The following LMF1 variants were observed in gnomAD, a reference collection of about 807,000 sequenced individuals.
LMF1 encodes the protein lipase maturation factor 1.
A neutral mutation model predicts 60.6 loss-of-function variants in LMF1; 68 were observed. The ratio of observed to expected loss-of-function variants is 1.12; its 90% CI spans 0.92 to 1.37. The LOEUF is 1.37. LMF1 is among the 40% of genes most tolerant of loss of function. The pLI is 0.00. For missense variants in LMF1, 948 were observed against 767.2 expected (o/e 1.24, Z -2.78); for synonymous variants, 418 against 324.7 (o/e 1.29, Z -3.09).
upstream of LMF1, chr16:971,118 C>A (rs1389164798): frequency 5.8e-6 from 5 of 860,548 alleles, no homozygotes; most frequent in Admixed American, 8.6e-5. Context: ...CGCTCACAGT[C>A]CCGGAGGCAC....
chr16:871,477 C>T, intron 6 of LMF1, 136 bp from the exon 7 acceptor site: 2 of 887,200 alleles, frequency 2.3e-6, no homozygotes, highest in Non-Finnish European at 1.7e-6. Context: ...TCGGGCCCAG[C>T]ATCACAACTG....
At chr16:964,868 G>A (rs1003027599) in intron 1 of LMF1, among the ~76,000 whole-genome samples, 5 of 152,264 alleles carry the variant, frequency 3.3e-5, no homozygotes, top group Admixed American at 6.5e-5. Context: ...CCACCTCGCC[G>A]AAGCAGCTGC....
At position 947,742 on chromosome 16, in the gene LMF1, CG is replaced by C. The variant is rs1245388527; in HGVS notation, c.503+6614del. 5.5e-5 allele frequency: 20 copies of C among 364,760 alleles called. No homozygotes were observed. The East Asian group carries it at 1.3e-3, about 23-fold the overall frequency. 22.6% of individuals were successfully genotyped at this position (364,760 alleles called of 1,614,324 possible). A position where few individuals can be genotyped will look rare whatever the true frequency, so the allele number is the denominator to read the frequency against. On this transcript the variant is annotated intron_variant, in intron 2 of 10. Transcript: ENST00000262301. ...GCAGGGCCACTGCCAAAGCCAAGCGCGGATGACAGTCAGAGCCAACGAGAGA... is the reference window on the plus strand; with the variant it reads ...GCAGGGCCACTGCCAAAGCCAAGCGCGATGACAGTCAGAGCCAACGAGAGA...
chr16:861,530 A>AT (rs914686716), intron 10 of LMF1, among the ~76,000 whole-genome samples: 11 of 149,410 alleles, frequency 7.4e-5, no homozygotes, highest in Admixed American at 2.0e-4. Context: ...GCTAATTTGA[A>AT]TTTTTTTTTA....
intron 3 of LMF1, among the ~76,000 whole-genome samples, chr16:932,326 A>G (rs1028284805): frequency 3.3e-5 from 5 of 152,078 alleles, no homozygotes; most frequent in African/African-American, 1.2e-4. Flanking sequence ...TCGCAGGCCC[A>G]TCTCTCACAG....
At chr16:930,874 A>C (rs2071761707) in intron 3 of LMF1, among the ~76,000 whole-genome samples, 1 of 151,940 alleles carries the variant, frequency 6.6e-6, no homozygotes, top group Non-Finnish European at 1.5e-5. Context: ...TAATCCCAGC[A>C]CTTTGGGAGG....
At chr16:859,550 G>A (rs1227009783) in intron 10 of LMF1, among the ~76,000 whole-genome samples, 16 of 2,122 alleles carry the variant, frequency 7.5e-3, no homozygotes, top group Non-Finnish European at 9.1e-3. Flanking sequence ...CGGGACGGGT[G>A]TGCAGTGATG....
intron 3 of LMF1, among the ~76,000 whole-genome samples, chr16:918,853 G>A (rs955196748): frequency 1.5e-4 from 22 of 148,738 alleles, no homozygotes; most frequent in African/African-American, 4.6e-4. Flanking sequence ...GGCGCACCCC[G>A]ACTCTCACGT....
intron 1 of LMF1, chr16:979,954 G>A: frequency 2.8e-6 from 1 of 356,128 alleles, no homozygotes; most frequent in South Asian, 2.1e-5. Flanking sequence ...GGCCTCCAGG[G>A]GGAAGAGGCA....
chr16:950,187 A>G (rs1597057776), intron 2 of LMF1, among the ~76,000 whole-genome samples: 1 of 107,406 alleles, frequency 9.3e-6, no homozygotes, highest in East Asian at 2.6e-4. Flanking sequence ...GTCAGAGCCA[A>G]CGACAGAGTC....
At chr16:976,672 G>C (rs780879146) in intron 1 of LMF1, 2 of 454,130 alleles carry the variant, frequency 4.4e-6, no homozygotes, top group South Asian at 1.6e-5. Context: ...AGTGGAGACG[G>C]ATAGGCCCAG....
chr16:908,083 G>A (rs900967120), intron 4 of LMF1, among the ~76,000 whole-genome samples: 6 of 152,108 alleles, frequency 3.9e-5, no homozygotes, highest in Middle Eastern at 3.2e-3. Context: ...TCCCCCACCC[G>A]GCTGCTGTCC....
chr16:978,681 CA>C (rs2073247770), intron 1 of LMF1, among the ~76,000 whole-genome samples: 4 of 152,146 alleles, frequency 2.6e-5, no homozygotes, highest in African/African-American at 9.7e-5. Context: ...GTGGTGAGGT[CA>C]GGGTGGGTGG....
In LMF1 at chr16:897,683, G is replaced by T. The variant is rs970149665; in HGVS notation, c.664-4611C>A. ...TGAGAGCTGGGGGTGGGTGGAAACC[G>T]TGTCTCAGGGTGAAGGGACCGCTGG... On this transcript the variant is annotated intron_variant, in intron 4 of 10. Transcript: ENST00000262301. The surrounding 1 kb of genome is among the most constrained non-coding windows in gnomAD (Gnocchi z 4.3). Among the ~76,000 whole-genome samples the T allele has an allele frequency of 6.6e-6, 1 of 152,156 alleles. No individual in the cohort carries two copies. The highest frequency in any genetic ancestry group is 2.4e-5 in the African/African-American group (1 of 41,436).
intron 3 of LMF1, among the ~76,000 whole-genome samples, chr16:919,245 G>C (rs1437879549): frequency 6.6e-6 from 1 of 152,124 alleles, no homozygotes; most frequent in Non-Finnish European, 1.5e-5. Context: ...CACGTGGAGG[G>C]TGGTGTGTCC....
At chr16:978,642 C>A (rs2073246863) in intron 1 of LMF1, among the ~76,000 whole-genome samples, 1 of 152,160 alleles carries the variant, frequency 6.6e-6, no homozygotes, top group African/African-American at 2.4e-5. Context: ...AACGTACACT[C>A]CCCCTGAAAC....
intron 10 of LMF1, among the ~76,000 whole-genome samples, chr16:859,026 G>A (rs1388919510): frequency 2.2e-5 from 2 of 89,418 alleles, no homozygotes; most frequent in Non-Finnish European, 4.1e-5. Flanking sequence ...GGTGTCACGG[G>A]ACGGGTGTGA....
rs1265982882 is a variant in LMF1 at position 874,808 on chromosome 16, C to T, written c.898-3467G>A. ...CGCTCAGAAGTCTCAGGGCACTCGGCTGTCACAGCGCGGCACAGGGGAGTA... is the reference window on the plus strand; with the variant it reads ...CGCTCAGAAGTCTCAGGGCACTCGGTTGTCACAGCGCGGCACAGGGGAGTA... On this transcript the variant is annotated intron_variant, in intron 6 of 10. Transcript: ENST00000262301. This position sits in a 1 kb window ranked among gnomAD's most constrained non-coding sequence, Gnocchi z 4.1. Among the ~76,000 whole-genome samples the T allele has an allele frequency of 6.6e-6, 1 of 152,038 alleles. No individual in the cohort carries two copies. The highest frequency in any genetic ancestry group is 6.5e-5 in the Admixed American group (1 of 15,286).
chr16:855,492 C>T, intron 10 of LMF1: 1 of 357,462 alleles, frequency 2.8e-6, no homozygotes, highest in Non-Finnish European at 5.5e-6. Flanking sequence ...GCATTTTCTC[C>T]TGGGGGTGGG....
Sources: gnomAD v4.1 joint callset for allele counts (sites outside exome capture counted in the v4.1 genomes callset) on GRCh38, gnomAD v4.1.1 for gene constraint, Gnocchi (gnomAD v3.1) non-coding constraint, MANE v1.5 for transcripts, NCBI Gene and HGNC (gene_info 2026-07-23, HGNC 2026-07-21) for gene names.